WLS: variants seen among roughly 807,000 people sequenced by gnomAD.
The protein encoded by WLS is Wnt ligand secretion mediator.
Under a neutral mutation model 62.8 loss-of-function variants are expected in WLS, and 23 were observed. The observed-to-expected ratio is 0.37, with a 90% CI of 0.26 to 0.52. The LOEUF (loss-of-function observed/expected upper bound fraction) is 0.52. Ranked by LOEUF, WLS falls within the 20% of genes least tolerant of loss-of-function variation. The pLI is 0.92. For missense variants in WLS, 615 were observed against 697.3 expected (o/e 0.88, Z 1.33); for synonymous variants, 246 against 244.1 (o/e 1.01, Z -0.07).
At chr1:68,148,290 C>T in intron 7 of WLS, 91 bp from the exon 8 acceptor site, 2 of 1,354,942 alleles carry the variant, frequency 1.5e-6, no homozygotes, top group East Asian at 2.3e-5. Context: ...TTTTCAGCTG[C>T]AGGGGTGAGG....
At chr1:68,204,868 T>C (rs900628296) in intron 1 of WLS, among the ~76,000 whole-genome samples, 2 of 152,158 alleles carry the variant, frequency 1.3e-5, no homozygotes, top group African/African-American at 2.4e-5. Flanking sequence ...AGGCATCACT[T>C]CTGAACCCTA....
At chr1:68,186,240 A>G (rs1331809968) in intron 2 of WLS, among the ~76,000 whole-genome samples, 1 of 152,210 alleles carries the variant, frequency 6.6e-6, no homozygotes, top group Non-Finnish European at 1.5e-5. Flanking sequence ...AGGGTTTGGA[A>G]ACTCAAATCC....
intron 1 of WLS, among the ~76,000 whole-genome samples, chr1:68,227,076 C>T (rs1650179122): frequency 6.6e-6 from 1 of 152,106 alleles, no homozygotes; most frequent in African/African-American, 2.4e-5. Context: ...GAAGTCTAGA[C>T]AGGTTGTACT....
At chr1:68,189,349 G>A (rs966178340) in intron 2 of WLS, among the ~76,000 whole-genome samples, 3 of 152,082 alleles carry the variant, frequency 2.0e-5, no homozygotes, top group African/African-American at 7.2e-5. Flanking sequence ...TTATGCTGAG[G>A]TTGCTAAGAT....
chr1:68,166,440 G>A (rs537591936), intron 2 of WLS, among the ~76,000 whole-genome samples: 1 of 152,302 alleles, frequency 6.6e-6, no homozygotes, highest in East Asian at 1.9e-4. Context: ...CTGGGAGGAA[G>A]ACGTTATATA....
At chr1:68,106,337 G>C (rs1026609533) in intron 11 of WLS, among the ~76,000 whole-genome samples, 3 of 152,150 alleles carry the variant, frequency 2.0e-5, no homozygotes, top group African/African-American at 7.2e-5. Context: ...GGTACTTCGA[G>C]GGGGGCCTAA....
rs1267796107 is a variant in WLS, at chr1:68,148,171, T to C, written c.1099A>G (p.Ser367Gly). 1 of 1,614,192 alleles carries C rather than the reference T, an allele frequency of 6.2e-7. No homozygotes were observed. The highest frequency in any genetic ancestry group is 8.5e-7 in the Non-Finnish European group (1 of 1,180,040). The change falls in exon 8 of 12, where the codon AGT (serine) becomes GGT (glycine). Residue 367 changes from serine (S) to glycine (G), a missense_variant. By Grantham distance (56) the Ser-to-Gly change is moderately conservative. Transcript: ENST00000262348. The part of the protein sequence containing the change: ...RGVQLTNPFY[S>G]IWTTDIGTEL... ...GTTCCAATGTCTGTAGTCCAGATACTGTAGAAGGGATTCGTGAGTTGTACC... is the reference window on the plus strand; with the variant it reads ...GTTCCAATGTCTGTAGTCCAGATACCGTAGAAGGGATTCGTGAGTTGTACC...
chr1:68,202,391 A>G (rs1649067050), intron 1 of WLS: 1 of 152,218 alleles, frequency 6.6e-6, no homozygotes, highest in Admixed American at 6.5e-5. Context: ...TTAGGACTCA[A>G]AAACTGACCC....
chr1:68,115,554 C>T (rs1646280795), intron 11 of WLS, among the ~76,000 whole-genome samples: 1 of 152,194 alleles, frequency 6.6e-6, no homozygotes, highest in African/African-American at 2.4e-5. Context: ...CTCTGAGCTC[C>T]AGCATGCTCA....
intron 1 of WLS, among the ~76,000 whole-genome samples, chr1:68,210,839 A>AT (rs2100645408): frequency 6.6e-6 from 1 of 152,226 alleles, no homozygotes; most frequent in East Asian, 1.9e-4. Flanking sequence ...CTTGTGGAGG[A>AT]TTTTTCCCCT....
At chr1:68,119,625 G>A (rs973597685) in intron 11 of WLS, among the ~76,000 whole-genome samples, 6 of 152,178 alleles carry the variant, frequency 3.9e-5, no homozygotes, top group Non-Finnish European at 2.9e-5. Flanking sequence ...GGCCCTGGCC[G>A]TGCACCTTGG....
intron 5 of WLS, 67 bp from the exon 6 acceptor site, chr1:68,150,423 C>A (rs1050547192): frequency 6.3e-7 from 1 of 1,586,864 alleles, no homozygotes; most frequent in Non-Finnish European, 8.6e-7. Context: ...AAACAATTCC[C>A]CGAATTCAGT....
At chr1:68,147,035 GCCACCACA>G (rs1646761582) in intron 8 of WLS, among the ~76,000 whole-genome samples, 1 of 152,102 alleles carries the variant, frequency 6.6e-6, no homozygotes, top group African/African-American at 2.4e-5. Flanking sequence ...ACAGGGATAA[GCCACCACA>G]CCTGGCCCAA....
intron 11 of WLS, among the ~76,000 whole-genome samples, chr1:68,135,940 ACAGT>A (rs1272352659): frequency 6.6e-6 from 1 of 152,212 alleles, no homozygotes; most frequent in Non-Finnish European, 1.5e-5. Flanking sequence ...TTCTAGCAAA[ACAGT>A]CAGTCAAACC....
At chr1:68,167,448 A>G (rs760782541) in intron 2 of WLS, among the ~76,000 whole-genome samples, 3 of 152,022 alleles carry the variant, frequency 2.0e-5, no homozygotes, top group Non-Finnish European at 2.9e-5. Context: ...TGGTTTCATG[A>G]CTCCTGGGAT....
chr1:68,124,703 A>G (rs75084823), downstream of WLS, among the ~76,000 whole-genome samples: 3,212 of 152,290 alleles, frequency 0.021, 105 homozygotes, highest in African/African-American at 0.073. Context: ...CCTAGAGAGA[A>G]TAGCCAAAGT....
intron 1 of WLS, among the ~76,000 whole-genome samples, chr1:68,213,333 C>G (rs1010977565): frequency 6.6e-6 from 1 of 151,826 alleles, no homozygotes; most frequent in African/African-American, 2.4e-5. Flanking sequence ...CGCCTGTAAT[C>G]CCAGCTACTC....
chr1:68,145,779 G>C (rs1646744736), intron 9 of WLS, 90 bp downstream of exon 9: 6 of 1,525,896 alleles, frequency 3.9e-6, no homozygotes, highest in Non-Finnish European at 5.3e-6. Flanking sequence ...CAAAGTAAAG[G>C]CTTTCTATCT....
intron 2 of WLS, among the ~76,000 whole-genome samples, chr1:68,170,171 T>C (rs937347391): frequency 6.9e-6 from 1 of 145,456 alleles, no homozygotes; most frequent in African/African-American, 2.5e-5. Context: ...TTTTTTTTTT[T>C]TTTTTTTTTT....
Sources: allele counts gnomAD v4.1 joint callset (sites outside exome capture counted in the v4.1 genomes callset), GRCh38; gene constraint gnomAD v4.1.1; transcripts MANE v1.5; gene names NCBI Gene and HGNC (gene_info 2026-07-23, HGNC 2026-07-21).